TBC1D22A: variants seen among roughly 807,000 people sequenced by gnomAD.
TBC1D22A encodes TBC1 domain family member 22A.
TBC1D22A carries 38 observed loss-of-function variants against 60.2 expected under a neutral mutation model. That is an observed-to-expected ratio of 0.63 (90% CI 0.49 to 0.83). The LOEUF is 0.83. TBC1D22A is among the 40% of genes least tolerant of loss of function. TBC1D22A has a pLI of 0.00. For missense variants in TBC1D22A, 628 were observed against 701.0 expected (o/e 0.90, Z 1.18); for synonymous variants, 302 against 281.7 (o/e 1.07, Z -0.72).
intron 4 of TBC1D22A, among the ~76,000 whole-genome samples, chr22:46,800,320 G>C (rs943980450): frequency 6.6e-6 from 1 of 152,216 alleles, no homozygotes; most frequent in Non-Finnish European, 1.5e-5. Flanking sequence ...AGTTCGCCTA[G>C]AGCACCAGGT....
intron 11 of TBC1D22A, among the ~76,000 whole-genome samples, chr22:47,063,547 G>A (rs1302016829): frequency 1.3e-5 from 2 of 152,086 alleles, no homozygotes; most frequent in Admixed American, 6.6e-5. Context: ...CTGGGGGTCC[G>A]GGAATGTTTG....
intron 10 of TBC1D22A, among the ~76,000 whole-genome samples, chr22:47,033,241 G>A (rs899253871): frequency 3.9e-5 from 6 of 152,302 alleles, no homozygotes; most frequent in East Asian, 1.9e-4. Flanking sequence ...TCAGGGCTTC[G>A]TAGAACTTTC....
intron 7 of TBC1D22A, among the ~76,000 whole-genome samples, chr22:46,904,211 G>A (rs183036614): frequency 2.8e-3 from 382 of 135,520 alleles, no homozygotes; most frequent in Non-Finnish European, 4.1e-3. Flanking sequence ...GGCTCAATGC[G>A]GTTTTTTGAA....
At chr22:47,151,437 A>G (rs1207304138) in intron 12 of TBC1D22A, among the ~76,000 whole-genome samples, 1 of 152,262 alleles carries the variant, frequency 6.6e-6, no homozygotes, top group African/African-American at 2.4e-5. Context: ...AATTTTCACA[A>G]TGTATATTAC....
chr22:46,841,084 GAGAGAGAA>G (rs1347025015), intron 4 of TBC1D22A, among the ~76,000 whole-genome samples: 3 of 152,150 alleles, frequency 2.0e-5, no homozygotes, highest in East Asian at 1.9e-4. Flanking sequence ...GAGAGAGAGA[GAGAGAGAA>G]AGAGAGAGAG....
chr22:46,993,596 G>A (rs752582003), intron 9 of TBC1D22A, among the ~76,000 whole-genome samples: 1 of 152,192 alleles, frequency 6.6e-6, no homozygotes, highest in Non-Finnish European at 1.5e-5. Flanking sequence ...GGGGTGCTGG[G>A]CTGGGGTGTC....
At chr22:46,812,895 C>T (rs2085442518) in intron 4 of TBC1D22A, among the ~76,000 whole-genome samples, 2 of 152,160 alleles carry the variant, frequency 1.3e-5, no homozygotes, top group African/African-American at 4.8e-5. Flanking sequence ...TTTGATGCTT[C>T]TTTTGACTCT....
At chr22:46,830,974 G>C (rs1362565260) in intron 4 of TBC1D22A, among the ~76,000 whole-genome samples, 1 of 152,148 alleles carries the variant, frequency 6.6e-6, no homozygotes, top group African/African-American at 2.4e-5. Context: ...CTGGTGGTGT[G>C]AGGGAGCCTC....
chr22:47,092,259 T>C (rs2065006558), intron 11 of TBC1D22A, among the ~76,000 whole-genome samples: 1 of 152,098 alleles, frequency 6.6e-6, no homozygotes, highest in Non-Finnish European at 1.5e-5. Context: ...TGTGCGTGGG[T>C]GTCCTGATAG....
intron 8 of TBC1D22A, among the ~76,000 whole-genome samples, chr22:46,928,451 G>C (rs1467539652): frequency 6.6e-6 from 1 of 152,212 alleles, no homozygotes; most frequent in African/African-American, 2.4e-5. Context: ...AAATGTAAGA[G>C]CTGAAATCAT....
chr22:47,114,794 G>A (rs184046508), intron 12 of TBC1D22A, among the ~76,000 whole-genome samples: 142 of 152,268 alleles, frequency 9.3e-4, no homozygotes, highest in African/African-American at 3.3e-3. Flanking sequence ...CCAGAAGAAA[G>A]GCAGAGACCC....
chr22:47,172,237 T>C (rs1305611020), intron 12 of TBC1D22A, among the ~76,000 whole-genome samples: 1 of 152,200 alleles, frequency 6.6e-6, no homozygotes, highest in African/African-American at 2.4e-5. Flanking sequence ...CTACCTAGCA[T>C]GCCCATGGAG....
intron 10 of TBC1D22A, among the ~76,000 whole-genome samples, chr22:47,031,961 A>G (rs2062489034): frequency 6.6e-6 from 1 of 152,170 alleles, no homozygotes; most frequent in Admixed American, 6.5e-5. Flanking sequence ...CTGTTTAGTT[A>G]CCACAATGAC....
At chr22:47,147,151 G>A (rs1174766484) in intron 12 of TBC1D22A, among the ~76,000 whole-genome samples, 3 of 152,328 alleles carry the variant, frequency 2.0e-5, no homozygotes, top group Middle Eastern at 3.4e-3. Context: ...GGCGGGTGGC[G>A]GGCACTGTCC....
intron 4 of TBC1D22A, among the ~76,000 whole-genome samples, chr22:46,803,384 G>C (rs1173996342): frequency 6.6e-6 from 1 of 152,186 alleles, no homozygotes; most frequent in Non-Finnish European, 1.5e-5. Flanking sequence ...GGTGCTGTTG[G>C]AGGCCTGAGG....
chr22:46,990,258 T>A lies in TBC1D22A; in HGVS notation c.1126-7376T>A, dbSNP rs1289311850. On this transcript the variant is annotated intron_variant, in intron 9 of 12. Transcript: ENST00000337137. The surrounding 1 kb of genome is among the most constrained non-coding windows in gnomAD (Gnocchi z 4.6). ...ACGGTTGGGGTTTAGGTTGCCATTT[T>A]CCTATTTACTTTCATCTTTTCTTAT... Among the ~76,000 whole-genome samples, 3 of 152,252 alleles carry A rather than the reference T, an allele frequency of 2.0e-5. No homozygotes were observed. The highest frequency in any genetic ancestry group is 7.2e-5 in the African/African-American group (3 of 41,460).
chr22:47,119,008 G>T (rs755020830), intron 12 of TBC1D22A, among the ~76,000 whole-genome samples: 6 of 152,162 alleles, frequency 3.9e-5, no homozygotes, highest in Non-Finnish European at 8.8e-5. Flanking sequence ...AATTAGCCAG[G>T]TGTGGTGGCG....
intron 5 of TBC1D22A, among the ~76,000 whole-genome samples, chr22:46,886,504 C>T (rs1389114900): frequency 6.6e-6 from 1 of 152,208 alleles, no homozygotes; most frequent in Admixed American, 6.5e-5. Flanking sequence ...GCCCTTTCTG[C>T]CAGGGCTACT....
rs1474586934 is a variant in TBC1D22A at position 46,777,771 on chromosome 22, A to C, written c.63-14749A>C. Among the ~76,000 whole-genome samples the C allele has an allele frequency of 1.3e-5, 2 of 152,206 alleles. No homozygotes were observed. The highest frequency in any genetic ancestry group is 2.9e-5 in the Non-Finnish European group (2 of 68,034). ...TGGGCCTCGGTGATGGCTGGCTGCC[A>C]GGGTGGCGGAGCCGCTCCGAAAGTC... On this transcript the variant is annotated intron_variant, in intron 1 of 12. Transcript: ENST00000337137. This position sits in a 1 kb window ranked among gnomAD's most constrained non-coding sequence, Gnocchi z 4.5.
Sources: allele counts gnomAD v4.1 joint callset (sites outside exome capture counted in the v4.1 genomes callset), GRCh38; gene constraint gnomAD v4.1.1; non-coding constraint Gnocchi (gnomAD v3.1); transcripts MANE v1.5; gene names NCBI Gene and HGNC (gene_info 2026-07-23, HGNC 2026-07-21).